SMG6: variants seen among roughly 807,000 people sequenced by gnomAD.
The protein encoded by SMG6 is telomerase-binding protein EST1A.
In SMG6, 66 loss-of-function variants were observed where a neutral mutation model predicts 142.2. That is an observed-to-expected ratio of 0.46 (90% CI 0.38 to 0.57). The LOEUF is 0.57. Among genes scored for constraint, SMG6 ranks in the 20% least tolerant of loss-of-function variants. The pLI, the probability that SMG6 is intolerant of heterozygous loss-of-function variation, is 0.00. For missense variants in SMG6, 1,793 were observed against 1,832.0 expected, an observed-to-expected ratio of 0.98 and a Z score of 0.39; for synonymous variants, 779 against 702.4, an observed-to-expected ratio of 1.11 and a Z score of -1.72.
Position 2,071,820 on chromosome 17 carries a change from A to G in SMG6, c.3682-2889T>C, listed in dbSNP as rs1251482910. 6.6e-6 allele frequency: 1 copy of G among 152,098 alleles called. No individual in the cohort carries two copies. The highest frequency in any genetic ancestry group is 1.9e-4 in the East Asian group (1 of 5,188). The allele number at this position is 152,098 out of a possible 1,614,324, so 9.4% of individuals were successfully genotyped here. On this transcript the variant is annotated intron_variant, in intron 15 of 18. Coordinates refer to ENST00000263073, the MANE Select transcript of SMG6 (RefSeq NM_017575.5). This position sits in a 1 kb window ranked among gnomAD's most constrained non-coding sequence, Gnocchi z 5.6. ...CAGGCGGAGGAGGGCTTCGGAGTCCACAGGCACCCTTCTACGGGTGTCTGC... is the reference window on the plus strand; with the variant it reads ...CAGGCGGAGGAGGGCTTCGGAGTCCGCAGGCACCCTTCTACGGGTGTCTGC...
intron 13 of SMG6, among the ~76,000 whole-genome samples, chr17:2,110,869 G>A (rs2069295175): frequency 6.6e-6 from 1 of 152,176 alleles, no homozygotes; most frequent in Non-Finnish European, 1.5e-5. Flanking sequence ...AACAAAGAGT[G>A]CTATATATGT....
At chr17:2,210,190 A>G (rs752051149) in intron 10 of SMG6, among the ~76,000 whole-genome samples, 8 of 152,086 alleles carry the variant, frequency 5.3e-5, no homozygotes, top group African/African-American at 9.7e-5. Flanking sequence ...CTCTGCCCCA[A>G]TCCAGCTTCC....
intron 10 of SMG6, among the ~76,000 whole-genome samples, chr17:2,232,101 G>GA (rs906151573): frequency 7.9e-4 from 113 of 143,618 alleles, no homozygotes; most frequent in East Asian, 2.8e-3. Context: ...AATGAAGGAA[G>GA]AAAAAAAAAA....
At chr17:2,153,466 C>T (rs1177879438) in intron 13 of SMG6, among the ~76,000 whole-genome samples, 1 of 152,196 alleles carries the variant, frequency 6.6e-6, no homozygotes, top group Non-Finnish European at 1.5e-5. Flanking sequence ...ATGTGTTTCT[C>T]AAAACTGTAC....
chr17:2,241,262 C>A (rs771023859), intron 9 of SMG6, among the ~76,000 whole-genome samples: 41 of 152,100 alleles, frequency 2.7e-4, no homozygotes, highest in Admixed American at 2.6e-4. Context: ...CCACCTCAGA[C>A]AAATGAGATA....
In SMG6 at chr17:2,299,649, T is replaced by C. The variant is rs216196; in HGVS notation, c.1104A>G (p.Ser368=). 462,038 of 1,613,982 alleles carry C rather than the reference T, an allele frequency of 0.29. 70,085 individuals are homozygous for C. Among genetic ancestry groups the C allele is most frequent in the East Asian group, 0.6 (27,058 of 44,866 alleles). Residue 368 remains serine (S), a synonymous_variant, in exon 2 of 19, where the codon TCA becomes TCG. Coordinates refer to ENST00000263073, the MANE Select transcript of SMG6 (RefSeq NM_017575.5). The surrounding 1 kb of genome is among the most constrained non-coding windows in gnomAD (Gnocchi z 4.3). ...AMNKESPMVR[S]ARDDMDRGKP... ...TTCCTCTATCCATATCATCCCTGGC[T>C]GACCTCACCATGGGAGACTCTTTGT...
At chr17:2,136,494 G>A (rs947416878) in intron 13 of SMG6, among the ~76,000 whole-genome samples, 8 of 151,806 alleles carry the variant, frequency 5.3e-5, no homozygotes, top group South Asian at 2.1e-4. Context: ...TTTCCTTTTC[G>A]CCTGCTCCTG....
chr17:2,236,754 A>G (rs1290516238), intron 9 of SMG6, 117 bp from the exon 10 acceptor site: 2 of 1,343,862 alleles, frequency 1.5e-6, no homozygotes, highest in South Asian at 2.0e-5. Context: ...CACACACACC[A>G]GACAACTACT....
intron 16 of SMG6, among the ~76,000 whole-genome samples, chr17:2,066,281 T>C (rs1428688825): frequency 6.7e-6 from 1 of 149,580 alleles, no homozygotes; most frequent in Non-Finnish European, 1.5e-5. Flanking sequence ...TCTGTGTGCG[T>C]GTATGTGTCT....
chr17:2,167,641 G>A (rs1448418046), intron 13 of SMG6, among the ~76,000 whole-genome samples: 2 of 152,090 alleles, frequency 1.3e-5, no homozygotes, highest in African/African-American at 2.4e-5. Context: ...ACTGTCTCTC[G>A]AACTAGGAAG....
At position 2,065,123 on chromosome 17, in the gene SMG6, C is replaced by G; in HGVS notation, c.4079G>C (p.Cys1360Ser). 6.2e-7 allele frequency: 1 copy of G among 1,613,914 alleles called. No individual in the cohort carries two copies. ...AGCCTTGTCTTTGCAGTAGTGGAGG[C>G]AGCAGGACAGGATGAGATCATCGTT... ...GNNDDLILSCCLHYCKDKAKD... is the reference protein window; with the variant it reads ...GNNDDLILSCSLHYCKDKAKD... Residue 1360 changes from cysteine to serine, a missense_variant, in exon 18 of 19, where the codon TGC becomes TCC. Physicochemically the swap from Cys to Ser is moderately radical, Grantham distance 112. Around this residue, in one of 3 missense-constraint regions of SMG6, gnomAD observed 179 missense variants for 212.6 expected, o/e 0.84. Coordinates refer to ENST00000263073, the MANE Select transcript of SMG6 (RefSeq NM_017575.5).
At chr17:2,161,781 G>A (rs1294032662) in intron 13 of SMG6, among the ~76,000 whole-genome samples, 1 of 151,576 alleles carries the variant, frequency 6.6e-6, no homozygotes. Context: ...AGGTGCTTTT[G>A]AATCCAGGGC....
chr17:2,086,973 T>C (rs2068579761), intron 13 of SMG6: 1 of 1,277,852 alleles, frequency 7.8e-7, no homozygotes, highest in South Asian at 1.2e-5. Context: ...TCATCCTCAC[T>C]GACTAGCCCC....
At chr17:2,188,277 T>G in intron 11 of SMG6, 122 bp downstream of exon 11, 3 of 741,336 alleles carry the variant, frequency 4.0e-6, no homozygotes, top group East Asian at 5.2e-5. Flanking sequence ...GAGGGGCATG[T>G]AGGTAAGAGG....
Position 2,068,733 on chromosome 17 carries a change from T to C in SMG6, c.3835+45A>G. ...GCCGTGGGGCGTGTGTGGAGGGGGC[T>C]GCTGTGCACATGCAAGGCCGCTCTG... On this transcript the variant is annotated intron_variant, in intron 16 of 18. Coordinates refer to ENST00000263073, the MANE Select transcript of SMG6 (RefSeq NM_017575.5). The surrounding 1 kb of genome is among the most constrained non-coding windows in gnomAD (Gnocchi z 6.7). 6.3e-7 allele frequency: 1 copy of C among 1,594,220 alleles called. No individual in the cohort carries two copies. Among genetic ancestry groups the C allele is most frequent in the Non-Finnish European group, 8.6e-7 (1 of 1,168,760 alleles).
Position 2,061,546 on chromosome 17 carries a change from C to T in SMG6, c.4206G>A (p.Arg1402=), listed in dbSNP as rs867547820. ...CTGGGATGTCCCGTACAGGAACATTCCTTGTGAGCGCCTTCACACGCAGGT... is the reference window on the plus strand; with the variant it reads ...CTGGGATGTCCCGTACAGGAACATTTCTTGTGAGCGCCTTCACACGCAGGT... ...DRNLRVKALT[R]NVPVRDIPAF... is the part of the protein sequence containing the mutation. The change falls in exon 19 of 19, where the codon AGG becomes AGA. Residue 1402 remains arginine, a synonymous_variant. Coordinates refer to ENST00000263073, the MANE Select transcript of SMG6 (RefSeq NM_017575.5). The T allele has an allele frequency of 1.4e-5, 22 of 1,574,470 alleles. No homozygotes were observed. The highest frequency in any genetic ancestry group is 1.7e-4 in the Middle Eastern group (1 of 6,002).
rs148442042 is a variant in SMG6 at position 2,299,790 on chromosome 17, T to C, written c.963A>G (p.Ser321=). ...TTCTTTCTAAATGTCTCTTCCTTTC[T>C]GAACTTCTCCTGGGTCCTAATCCAT... ...EPDGLGPRRS[S]ERKRHLERNW... Residue 321 remains serine, a synonymous_variant, in exon 2 of 19, where the codon TCA becomes TCG. Transcript: ENST00000263073. The surrounding 1 kb of genome is among the most constrained non-coding windows in gnomAD (Gnocchi z 4.3). 1.9e-6 allele frequency: 3 copies of C among 1,614,256 alleles called. No individual in the cohort carries two copies. Among genetic ancestry groups the C allele is most frequent in the Non-Finnish European group, 2.5e-6 (3 of 1,180,048 alleles).
intron 12 of SMG6, among the ~76,000 whole-genome samples, chr17:2,185,775 C>T (rs1024366823): frequency 8.0e-5 from 12 of 150,240 alleles, no homozygotes; most frequent in East Asian, 3.9e-4. Context: ...AGGGCAGGGA[C>T]GTGGTGAGAA....
At chr17:2,091,554 C>T (rs1283273920) in intron 13 of SMG6, among the ~76,000 whole-genome samples, 3 of 151,330 alleles carry the variant, frequency 2.0e-5, no homozygotes, top group Admixed American at 6.6e-5. Flanking sequence ...CTGACAACCT[C>T]GGAGCATACT....
Sources: allele counts gnomAD v4.1 joint callset (sites outside exome capture counted in the v4.1 genomes callset), GRCh38; gene constraint gnomAD v4.1.1; regional missense constraint gnomAD v4.1.1; non-coding constraint Gnocchi (gnomAD v3.1); transcripts MANE v1.5; gene names NCBI Gene and HGNC (gene_info 2026-07-23, HGNC 2026-07-21).